Variants in STAG1 observed in about 807,000 individuals in gnomAD.
The protein encoded by STAG1 is cohesin subunit SA-1.
STAG1 carries 26 observed loss-of-function variants against 170.9 expected under a neutral mutation model. The ratio of observed to expected loss-of-function variants is 0.15; its 90% CI spans 0.11 to 0.21. The LOEUF is 0.21. STAG1 is among the 10% of genes least tolerant of loss of function. The pLI is 1.00. For missense variants in STAG1, 964 were observed against 1,509.5 expected, an observed-to-expected ratio of 0.64 and a Z score of 5.99; for synonymous variants, 514 against 497.7, an observed-to-expected ratio of 1.03 and a Z score of -0.44.
chr3:136,384,481 AT>A (rs1451575230), intron 22 of STAG1, among the ~76,000 whole-genome samples: 4 of 150,824 alleles, frequency 2.7e-5, no homozygotes, highest in African/African-American at 9.8e-5. Flanking sequence ...AAAAAAAGAA[AT>A]TTGAGGCCAG....
At chr3:136,616,580 T>C (rs1261391566) in intron 3 of STAG1, among the ~76,000 whole-genome samples, 1 of 152,160 alleles carries the variant, frequency 6.6e-6, no homozygotes, top group Non-Finnish European at 1.5e-5. Context: ...GATCTTTGTT[T>C]CTTAGAAAAA....
At chr3:136,733,282 C>T (rs1419498054) in intron 1 of STAG1, among the ~76,000 whole-genome samples, 2 of 151,728 alleles carry the variant, frequency 1.3e-5, no homozygotes, top group Non-Finnish European at 2.9e-5. Context: ...GACAGGGTTT[C>T]GCTATGTTGC....
intron 1 of STAG1, among the ~76,000 whole-genome samples, chr3:136,751,355 A>G (rs1170537628): frequency 6.6e-6 from 1 of 152,198 alleles, no homozygotes; most frequent in East Asian, 1.9e-4. Flanking sequence ...CCATACAAGA[A>G]GAACCCAGTT....
chr3:136,404,901 A>T (rs1035568111), intron 21 of STAG1, among the ~76,000 whole-genome samples: 2 of 151,848 alleles, frequency 1.3e-5, no homozygotes, highest in African/African-American at 4.8e-5. Flanking sequence ...GTATACATGC[A>T]TATTACCCAC....
intron 16 of STAG1, 57 bp downstream of exon 16, chr3:136,433,499 A>T: frequency 1.6e-6 from 2 of 1,274,194 alleles, no homozygotes; most frequent in Non-Finnish European, 2.2e-6. Context: ...CCAAATATTT[A>T]AGACAGTTAA....
At chr3:136,524,358 T>C (rs1428202244) in intron 6 of STAG1, among the ~76,000 whole-genome samples, 2 of 152,260 alleles carry the variant, frequency 1.3e-5, no homozygotes, top group African/African-American at 2.4e-5. Flanking sequence ...TTTGAAGCAA[T>C]TGTGAATGGG....
At chr3:136,631,622 T>C (rs541919720) in intron 1 of STAG1, among the ~76,000 whole-genome samples, 2 of 152,316 alleles carry the variant, frequency 1.3e-5, no homozygotes, top group African/African-American at 2.4e-5. Context: ...GTGCAGGACG[T>C]TGATAGTACG....
At chr3:136,356,929 A>AT (rs1405205525) in intron 28 of STAG1, among the ~76,000 whole-genome samples, 5 of 145,374 alleles carry the variant, frequency 3.4e-5, no homozygotes, top group East Asian at 2.0e-4. Flanking sequence ...ATTTTTTTTT[A>AT]TTTTTTTTAA....
At chr3:136,600,875 GTTTTGTTTTGTTTT>G (rs1938640089) in intron 4 of STAG1, among the ~76,000 whole-genome samples, 1 of 70,680 alleles carries the variant, frequency 1.4e-5, no homozygotes, top group African/African-American at 1.3e-4. Context: ...TGTTTGTTTT[GTTTTGTTTTGTTTT>G]GTTTTGTTTT....
chr3:136,518,256 C>T, intron 7 of STAG1: 1 of 587,060 alleles, frequency 1.7e-6, no homozygotes, highest in Non-Finnish European at 3.1e-6. Flanking sequence ...ACCTGATTGT[C>T]TCTCTTCTCA....
At chr3:136,461,122 G>T (rs2089261384) in intron 13 of STAG1, among the ~76,000 whole-genome samples, 1 of 152,074 alleles carries the variant, frequency 6.6e-6, no homozygotes, top group Non-Finnish European at 1.5e-5. Flanking sequence ...GCATTTGAAA[G>T]AAATCAACAC....
At chr3:136,473,455 T>A (rs1381553012) in intron 11 of STAG1, 84 bp downstream of exon 11, 3 of 1,010,500 alleles carry the variant, frequency 3.0e-6, no homozygotes, top group African/African-American at 3.2e-5. Flanking sequence ...TAAACACTTG[T>A]ATGATAATGT....
chr3:136,569,433 A>G (rs1157018563), intron 4 of STAG1, among the ~76,000 whole-genome samples: 1 of 151,442 alleles, frequency 6.6e-6, no homozygotes, highest in Admixed American at 6.6e-5. Flanking sequence ...AAAACTTTCT[A>G]GGAAAATTAG....
chr3:136,582,238 A>G (rs1051576039), intron 4 of STAG1, among the ~76,000 whole-genome samples: 5 of 152,140 alleles, frequency 3.3e-5, no homozygotes, highest in African/African-American at 1.2e-4. Flanking sequence ...TAACAAAGAA[A>G]CACAAATGTA....
At chr3:136,606,405 T>A (rs1218992063) in intron 3 of STAG1, among the ~76,000 whole-genome samples, 1 of 152,154 alleles carries the variant, frequency 6.6e-6, no homozygotes, top group Admixed American at 6.6e-5. Context: ...GCCATGCTGG[T>A]CTTGAACTCC....
In STAG1 at chr3:136,736,755, T is replaced by A. The variant is rs542970586; in HGVS notation, c.-84+15440A>T. 12 of 1,601,294 alleles carry A rather than the reference T, an allele frequency of 7.5e-6. No individual in the cohort carries two copies. In the South Asian group the frequency reaches 1.2e-4, roughly 16 times the overall value. On this transcript the variant is annotated intron_variant, in intron 1 of 33. Coordinates refer to ENST00000383202, the MANE Select transcript of STAG1 (RefSeq NM_005862.3). ...ATTTCCAGCTCAGCAAAGAGTTTCATTGTCTGTTTATATACAGCTTGTTTG... is the reference window on the plus strand; with the variant it reads ...ATTTCCAGCTCAGCAAAGAGTTTCAATGTCTGTTTATATACAGCTTGTTTG...
intron 1 of STAG1, among the ~76,000 whole-genome samples, chr3:136,693,238 TAG>T (rs148212876): frequency 6.6e-6 from 1 of 152,354 alleles, no homozygotes; most frequent in Non-Finnish European, 1.5e-5. Flanking sequence ...AATGGTTTAT[TAG>T]AAACTCCCAC....
At chr3:136,359,643 C>T (rs188880224) in intron 26 of STAG1, among the ~76,000 whole-genome samples, 8 of 152,314 alleles carry the variant, frequency 5.3e-5, no homozygotes, top group African/African-American at 1.9e-4. Context: ...AATTCTCACG[C>T]GTCAGCCTCC....
At chr3:136,601,211 A>G (rs1353440996) in intron 4 of STAG1, among the ~76,000 whole-genome samples, 4 of 152,188 alleles carry the variant, frequency 2.6e-5, no homozygotes, top group African/African-American at 9.6e-5. Context: ...TTCAAATAAA[A>G]TCTAGTTAAA....
Sources: allele counts gnomAD v4.1 joint callset (sites outside exome capture counted in the v4.1 genomes callset), GRCh38; gene constraint gnomAD v4.1.1; transcripts MANE v1.5; gene names NCBI Gene and HGNC (gene_info 2026-07-23, HGNC 2026-07-21).